Variants in SGCZ observed in about 807,000 individuals in gnomAD.
SGCZ encodes sarcoglycan zeta.
Under a neutral mutation model 41.3 loss-of-function variants are expected in SGCZ, and 40 were observed. The observed-to-expected ratio is 0.97, with a 90% confidence interval of 0.75 to 1.26. The LOEUF (loss-of-function observed/expected upper bound fraction) is 1.26, where lower values mean the gene tolerates loss of function less well. SGCZ is among the 50% of genes most tolerant of loss of function. The pLI, the probability that SGCZ is intolerant of heterozygous loss-of-function variation, is 0.00. For synonymous variants in SGCZ, 206 were observed against 137.5 expected (o/e 1.50, Z -3.49); for missense variants, 552 against 369.8 (o/e 1.49, Z -4.04).
In SGCZ at chr8:15,217,455, C is replaced by CTT. The variant is rs796146748; in HGVS notation, c.39+20128_39+20129dup. On this transcript the variant is annotated intron_variant, in intron 1 of 7. Coordinates refer to ENST00000382080, the MANE Select transcript of SGCZ (RefSeq NM_139167.4). ...AAGAATTGAACTAACAAAAATACCTCTTTTTTTTTTTTTTCCTGAAATTTC... is the reference window on the plus strand; with the variant it reads ...AAGAATTGAACTAACAAAAATACCTCTTTTTTTTTTTTTTTTCCTGAAATTTC... Among the ~76,000 whole-genome samples the CTT allele has an allele frequency of 1.7e-3, 236 of 141,454 alleles. 3 individuals are homozygous for CTT. In the South Asian group the frequency reaches 0.023, roughly 14 times the overall value. 92.8% of individuals were successfully genotyped at this position (141,454 alleles called of 152,430 possible). A position where few individuals can be genotyped will look rare whatever the true frequency, so the allele number is the denominator to read the frequency against.
chr8:14,214,458 T>G (rs1282542191), intron 4 of SGCZ, among the ~76,000 whole-genome samples: 2 of 152,140 alleles, frequency 1.3e-5, no homozygotes, highest in African/African-American at 4.8e-5. Context: ...CCATCAATAG[T>G]GACAAATGTA....
chr8:14,173,498 G>A (rs557122747), intron 4 of SGCZ, among the ~76,000 whole-genome samples: 4 of 152,156 alleles, frequency 2.6e-5, no homozygotes, highest in South Asian at 2.1e-4. Flanking sequence ...CTAAATTCGC[G>A]TATTATAATT....
At position 14,863,510 on chromosome 8, in the gene SGCZ, C is replaced by A. The variant is rs188183818; in HGVS notation, c.40-308584G>T. ...CAGCTATAAATAGTGAGGTTTCTAG[C>A]GCTTTAATTTCAAATAAGTGCCTGA... On this transcript the variant is annotated intron_variant, in intron 1 of 7. Transcript: ENST00000382080. Among the ~76,000 whole-genome samples, 172 of 152,006 alleles carry A rather than the reference C, an allele frequency of 1.1e-3. 3 individuals are homozygous for A. The highest frequency in any genetic ancestry group is 3.4e-3 in the Middle Eastern group (1 of 294).
intron 1 of SGCZ, among the ~76,000 whole-genome samples, chr8:15,080,129 G>A (rs1454590): frequency 0.065 from 9,845 of 152,038 alleles, 517 homozygotes; most frequent in East Asian, 0.28. Flanking sequence ...ATTCCTGGAC[G>A]AGATATTTGC....
intron 1 of SGCZ, among the ~76,000 whole-genome samples, chr8:15,180,679 T>C (rs1455489337): frequency 6.6e-6 from 1 of 151,126 alleles, no homozygotes; most frequent in Non-Finnish European, 1.5e-5. Context: ...AGGTCAAGAG[T>C]TCAAGACCAT....
At chr8:14,729,451 A>G (rs1365113729) in intron 1 of SGCZ, among the ~76,000 whole-genome samples, 1 of 152,212 alleles carries the variant, frequency 6.6e-6, no homozygotes, top group Non-Finnish European at 1.5e-5. Context: ...GGTTAAATTA[A>G]TTTGTAAAGG....
intron 4 of SGCZ, among the ~76,000 whole-genome samples, chr8:14,233,905 G>C (rs1012855084): frequency 6.6e-6 from 1 of 151,704 alleles, no homozygotes; most frequent in Non-Finnish European, 1.5e-5. Context: ...TGACCTCTTG[G>C]GATGTTGTAC....
rs535576627 is a variant in SGCZ, at chr8:14,655,177, C to T, written c.40-100251G>A. ...CAGAGAAAGAAAACTACATGATTTA[C>T]ATGGGTATGAACTGTAAGTTATTCT... is the stretch of plus-strand genomic sequence containing the variant. On this transcript the variant is annotated intron_variant, in intron 1 of 7. Coordinates refer to ENST00000382080, the MANE Select transcript of SGCZ (RefSeq NM_139167.4). Among the ~76,000 whole-genome samples, 30 of 152,174 alleles carry T rather than the reference C, an allele frequency of 2.0e-4. No individual in the cohort carries two copies. The South Asian group carries it at 5.8e-3, about 29-fold the overall frequency.
At chr8:14,962,663 A>G (rs1158276555) in intron 1 of SGCZ, among the ~76,000 whole-genome samples, 2 of 152,208 alleles carry the variant, frequency 1.3e-5, no homozygotes, top group African/African-American at 4.8e-5. Context: ...CACAGTCACT[A>G]ATCATTTAAG....
intron 4 of SGCZ, among the ~76,000 whole-genome samples, chr8:14,200,856 C>G (rs940068186): frequency 3.9e-5 from 6 of 152,028 alleles, no homozygotes; most frequent in Admixed American, 6.6e-5. Flanking sequence ...AATGAAGATA[C>G]GTCACAGAGC....
chr8:14,477,247 T>G (rs1336424491), intron 2 of SGCZ, among the ~76,000 whole-genome samples: 1 of 152,262 alleles, frequency 6.6e-6, no homozygotes, highest in Admixed American at 6.5e-5. Context: ...GTTGTATTAA[T>G]AAGGAGAAGG....
At chr8:14,180,441 G>A (rs1804685020) in intron 4 of SGCZ, among the ~76,000 whole-genome samples, 1 of 152,070 alleles carries the variant, frequency 6.6e-6, no homozygotes, top group African/African-American at 2.4e-5. Context: ...AATAACTCTA[G>A]GGCCTGGTAC....
At chr8:15,026,833 A>G (rs1409022752) in intron 1 of SGCZ, among the ~76,000 whole-genome samples, 2 of 152,186 alleles carry the variant, frequency 1.3e-5, no homozygotes, top group Admixed American at 6.5e-5. Flanking sequence ...GATTTCTTTT[A>G]TCGTTCTACA....
chr8:14,612,965 C>A (rs1219459617), intron 1 of SGCZ, among the ~76,000 whole-genome samples: 1 of 152,114 alleles, frequency 6.6e-6, no homozygotes, highest in Admixed American at 6.5e-5. Flanking sequence ...GGATTACAGG[C>A]GTGAGCCACC....
chr8:14,495,977 G>A (rs1328182796), intron 2 of SGCZ, among the ~76,000 whole-genome samples: 1 of 152,098 alleles, frequency 6.6e-6, no homozygotes, highest in East Asian at 1.9e-4. Context: ...GAAACAGCTG[G>A]AACACTGGGA....
chr8:14,199,743 C>T (rs1805394376), intron 4 of SGCZ, among the ~76,000 whole-genome samples: 1 of 152,002 alleles, frequency 6.6e-6, no homozygotes, highest in Non-Finnish European at 1.5e-5. Flanking sequence ...GTGAATTTCC[C>T]CCGATATATT....
At chr8:14,628,664 CA>C (rs1244379836) in intron 1 of SGCZ, among the ~76,000 whole-genome samples, 1 of 152,024 alleles carries the variant, frequency 6.6e-6, no homozygotes, top group Non-Finnish European at 1.5e-5. Flanking sequence ...AGAGACAAAA[CA>C]AGACAATGTA....
intron 1 of SGCZ, among the ~76,000 whole-genome samples, chr8:15,141,876 G>T (rs188619888): frequency 6.8e-6 from 1 of 147,658 alleles, no homozygotes; most frequent in African/African-American, 2.5e-5. Flanking sequence ...ACTCCAGCAT[G>T]GCAACAGTGT....
intron 1 of SGCZ, among the ~76,000 whole-genome samples, chr8:14,705,148 A>T (rs1809293814): frequency 6.6e-6 from 1 of 151,954 alleles, no homozygotes; most frequent in African/African-American, 2.4e-5. Context: ...CCCTTTTTAG[A>T]CCTTATGCAC....
Sources: gnomAD v4.1 joint callset for allele counts (sites outside exome capture counted in the v4.1 genomes callset) on GRCh38, gnomAD v4.1.1 for gene constraint, MANE v1.5 for transcripts, NCBI Gene and HGNC (gene_info 2026-07-23, HGNC 2026-07-21) for gene names.